The following MOGAT2 variants were observed in gnomAD, a reference collection of about 807,000 sequenced individuals.
The protein encoded by MOGAT2 is 2-acylglycerol O-acyltransferase 2.
Under a neutral mutation model 31.5 loss-of-function variants are expected in MOGAT2, and 27 were observed. That is an observed-to-expected ratio of 0.86 (90% CI 0.63 to 1.18). The LOEUF is 1.18. Ranked by LOEUF, MOGAT2 falls within the 50% of genes most tolerant of loss-of-function variation. The probability of loss-of-function intolerance (pLI) is 0.00; values close to 1 mark genes in which losing one functional copy is unlikely to be tolerated. For missense variants in MOGAT2, 436 were observed against 433.2 expected (o/e 1.01, Z -0.06); for synonymous variants, 163 against 170.0 (o/e 0.96, Z 0.32).
At chr11:75,727,712 T>TG (rs760215606) in intron 3 of MOGAT2, 73 bp downstream of exon 3, 38 of 1,437,504 alleles carry the variant, frequency 2.6e-5, no homozygotes, top group Non-Finnish European at 3.6e-5. Flanking sequence ...GTTCTGTACT[T>TG]CTTCCAAGAG....
chr11:75,729,118 A>T, intron 5 of MOGAT2, 129 bp downstream of exon 5: 2 of 816,974 alleles, frequency 2.4e-6, no homozygotes. Context: ...ACTGGGAAAC[A>T]TACACACACA....
chr11:75,720,321 G>A lies in MOGAT2; in HGVS notation c.270+151G>A, dbSNP rs1235659293. ...CAGGAGCTAGGGCTTCCGCTACTAT[G>A]TGACCTAGAGAAGAGTCCAGCTTCT... On this transcript the variant is annotated intron_variant, in intron 2 of 5. Transcript: ENST00000198801. The A allele has an allele frequency of 7.4e-6, 6 of 806,230 alleles. No homozygotes were observed. In the East Asian group the frequency reaches 1.3e-4, roughly 17 times the overall value. The allele number at this position is 806,230 out of a possible 1,614,324, so 49.9% of individuals were successfully genotyped here. A position where few individuals can be genotyped will look rare whatever the true frequency, so the allele number is the denominator to read the frequency against.
In MOGAT2 at chr11:75,720,170, G is replaced by T; in HGVS notation, c.270G>T (p.Ser90=). The T allele has an allele frequency of 6.2e-7, 1 of 1,611,262 alleles. No homozygotes were observed. The highest frequency in any genetic ancestry group is 1.3e-5 in the African/African-American group (1 of 75,018). ...ACATGAAGGACTATTTCCCCATCTC[G>T]GTGAGTATTGAGGCTGGTTGGGGTT... ...WKYMKDYFPI[S]LVKTAELDPS... The change falls in exon 2 of 6, where the codon TCG becomes TCT. Residue 90 remains serine, a splice_region_variant and synonymous_variant. Coordinates refer to ENST00000198801, the MANE Select transcript of MOGAT2 (RefSeq NM_025098.4).
intron 2 of MOGAT2, among the ~76,000 whole-genome samples, chr11:75,724,498 A>G (rs1944402973): frequency 1.3e-5 from 2 of 152,012 alleles, no homozygotes; most frequent in African/African-American, 4.8e-5. Flanking sequence ...TAGCACATGC[A>G]TTTATGTGCA....
rs1427382699 is a variant in MOGAT2, at chr11:75,731,335, C to T, written c.*49C>T. On this transcript the variant is annotated 3_prime_UTR_variant, in exon 6 of 6. Transcript: ENST00000198801. Reference sequence around the variant, plus strand: ...AGGGAGCCCAGCAGGAGGTGCTGTGCTGAGAAGACTTCCTGGAGGTGTTTG... The same window carrying T: ...AGGGAGCCCAGCAGGAGGTGCTGTGTTGAGAAGACTTCCTGGAGGTGTTTG... 1 of 1,587,836 alleles carries T rather than the reference C, an allele frequency of 6.3e-7. No individual in the cohort carries two copies. Among genetic ancestry groups the T allele is most frequent in the South Asian group, 1.1e-5 (1 of 88,928 alleles).
chr11:75,717,974 C>T lies in MOGAT2; in HGVS notation c.86C>T (p.Ala29Val). 6.2e-7 allele frequency: 1 copy of T among 1,614,140 alleles called. No homozygotes were observed. Among genetic ancestry groups the T allele is most frequent in the Non-Finnish European group, 8.5e-7 (1 of 1,179,988 alleles). Residue 29 changes from alanine to valine, a missense_variant, in exon 1 of 6, where the codon GCA becomes GTA. Transcript: ENST00000198801. ...AVLQFVFSFLALAEICTVGFI... is the reference protein window; with the variant it reads ...AVLQFVFSFLVLAEICTVGFI... ...CTACAGTTTGTCTTCTCCTTCTTGG[C>T]ACTGGGTAAGTTGGGCTGCACTGTA...
At chr11:75,729,927 T>A (rs1944460216) in intron 5 of MOGAT2, among the ~76,000 whole-genome samples, 2 of 151,720 alleles carry the variant, frequency 1.3e-5, no homozygotes, top group Non-Finnish European at 2.9e-5. Flanking sequence ...GTATTTTTAG[T>A]AGAGACAGGG....
chr11:75,723,482 A>G (rs1360629540), intron 2 of MOGAT2, among the ~76,000 whole-genome samples: 1 of 127,776 alleles, frequency 7.8e-6, no homozygotes, highest in Non-Finnish European at 1.6e-5. Context: ...CAGGCCCCGC[A>G]GGGATCATGG....
intron 5 of MOGAT2, among the ~76,000 whole-genome samples, chr11:75,729,871 A>G (rs990347175): frequency 3.3e-5 from 5 of 150,758 alleles, no homozygotes; most frequent in African/African-American, 1.2e-4. Context: ...CAACTTCCAG[A>G]GTAGCTGGGA....
chr11:75,729,742 TTTTTTTTTTTG>T (rs1181948282), intron 5 of MOGAT2, among the ~76,000 whole-genome samples: 1 of 136,364 alleles, frequency 7.3e-6, no homozygotes, highest in Non-Finnish European at 1.6e-5. Flanking sequence ...GTTTAATTCT[TTTTTTTTTTTG>T]TTTTTTTTTG....
chr11:75,730,931 A>G lies in MOGAT2; in HGVS notation c.851-201A>G, dbSNP rs760433048. ...CTCTACCTCAAAAAAAAAAAAAAAGAAAAGAAAAGAAAAGGAAGAAAGAAA... is the reference window on the plus strand; with the variant it reads ...CTCTACCTCAAAAAAAAAAAAAAAGGAAAGAAAAGAAAAGGAAGAAAGAAA... On this transcript the variant is annotated intron_variant, in intron 5 of 5. Transcript: ENST00000198801. 1.2e-3 allele frequency: 476 copies of G among 388,438 alleles called. 3 individuals are homozygous for G. Among genetic ancestry groups the G allele is most frequent in the Non-Finnish European group, 1.7e-3 (395 of 227,840 alleles). 24.1% of individuals were successfully genotyped at this position (388,438 alleles called of 1,614,324 possible).
At chr11:75,720,798 C>T (rs1317078516) in intron 2 of MOGAT2, among the ~76,000 whole-genome samples, 1 of 152,136 alleles carries the variant, frequency 6.6e-6, no homozygotes, top group East Asian at 1.9e-4. Context: ...ATTCCTCCTC[C>T]TCTGCATGCC....
chr11:75,722,574 C>A (rs529631802), intron 2 of MOGAT2, among the ~76,000 whole-genome samples: 1 of 152,354 alleles, frequency 6.6e-6, no homozygotes, highest in African/African-American at 2.4e-5. Flanking sequence ...GAGCCACAGC[C>A]TGACATTCAG....
intron 2 of MOGAT2, among the ~76,000 whole-genome samples, chr11:75,723,196 C>T (rs1944392433): frequency 6.6e-6 from 1 of 152,014 alleles, no homozygotes; most frequent in South Asian, 2.1e-4. Context: ...TCCTGACCGC[C>T]CACCTTAGCC....
chr11:75,730,940 G>T (rs1466779604), intron 5 of MOGAT2, 192 bp from the exon 6 acceptor site: 37 of 358,280 alleles, frequency 1.0e-4, no homozygotes, highest in Non-Finnish European at 1.3e-4. Context: ...GAAAAGAAAA[G>T]AAAAGGAAGA....
In MOGAT2 at chr11:75,717,884, C is replaced by A. The variant is rs781517098; in HGVS notation, c.-5C>A. 4.8e-5 allele frequency: 77 copies of A among 1,613,830 alleles called. No homozygotes were observed. Among genetic ancestry groups the A allele is most frequent in the Non-Finnish European group, 6.3e-5 (74 of 1,179,900 alleles). ...AACCTGCGGGAGCCAGGCTGACCCG[C>A]CAGCATGGTAGAGTTCGCGCCCTTG... On this transcript the variant is annotated 5_prime_UTR_variant, in exon 1 of 6. Transcript: ENST00000198801.
Position 75,728,074 on chromosome 11 carries a change from G to A in MOGAT2, c.580G>A (p.Ala194Thr), listed in dbSNP as rs773320617. ...IVGGAQEALD[A>T]RPGSFTLLLR... ...AGGGGGTGCCCAGGAGGCCCTGGAT[G>A]CCAGGCCTGGATCCTTCACGCTGTT... The change falls in exon 4 of 6, where the codon GCC (alanine) becomes ACC (threonine). Residue 194 changes from alanine (A) to threonine (T), a missense_variant. Physicochemically the swap from Ala to Thr is moderately conservative, Grantham distance 58 (BLOSUM62 0). Transcript: ENST00000198801. 1 of 1,614,160 alleles carries A rather than the reference G, an allele frequency of 6.2e-7. No individual in the cohort carries two copies. The highest frequency in any genetic ancestry group is 8.5e-7 in the Non-Finnish European group (1 of 1,180,026).
In MOGAT2 at chr11:75,731,304, A is replaced by G; in HGVS notation, c.*18A>G. 1 of 1,611,636 alleles carries G rather than the reference A, an allele frequency of 6.2e-7. No homozygotes were observed. Among genetic ancestry groups the G allele is most frequent in the Non-Finnish European group, 8.5e-7 (1 of 1,178,622 alleles). On this transcript the variant is annotated 3_prime_UTR_variant, in exon 6 of 6. Coordinates refer to ENST00000198801, the MANE Select transcript of MOGAT2 (RefSeq NM_025098.4). ...TCTGCTGAGCCCAAAGGGCAGGGCCAACATTAGGGAGCCCAGCAGGAGGTG... is the reference window on the plus strand; with the variant it reads ...TCTGCTGAGCCCAAAGGGCAGGGCCGACATTAGGGAGCCCAGCAGGAGGTG...
intron 2 of MOGAT2, among the ~76,000 whole-genome samples, chr11:75,725,716 A>G (rs560338673): frequency 5.9e-4 from 90 of 152,298 alleles, no homozygotes; most frequent in Non-Finnish European, 1.0e-3. Flanking sequence ...CTGCTCCCCA[A>G]CAAGAACCCT....
Sources: gnomAD v4.1 joint callset for allele counts (sites outside exome capture counted in the v4.1 genomes callset) on GRCh38, gnomAD v4.1.1 for gene constraint, MANE v1.5 for transcripts, NCBI Gene and HGNC (gene_info 2026-07-23, HGNC 2026-07-21) for gene names.